ADAMTS3: variants seen among roughly 807,000 people sequenced by gnomAD.
ADAMTS3 encodes A disintegrin and metalloproteinase with thrombospondin motifs 3.
Under a neutral mutation model 129.0 loss-of-function variants are expected in ADAMTS3, and 73 were observed. That is an observed-to-expected ratio of 0.57 (90% CI 0.47 to 0.69). The LOEUF is 0.69. ADAMTS3 is among the 30% of genes least tolerant of loss of function. ADAMTS3 has a pLI of 0.00. For synonymous variants in ADAMTS3, 477 were observed against 510.8 expected (o/e 0.93, Z 0.89); for missense variants, 1,457 against 1,514.5 (o/e 0.96, Z 0.63).
intron 4 of ADAMTS3, among the ~76,000 whole-genome samples, chr4:72,366,423 A>G (rs939973208): frequency 3.9e-5 from 6 of 152,164 alleles, no homozygotes; most frequent in Non-Finnish European, 8.8e-5. Context: ...AGTTTAATCT[A>G]GTTTTCAGTT....
chr4:72,559,626 A>G (rs891096549), intron 2 of ADAMTS3, among the ~76,000 whole-genome samples: 1 of 151,736 alleles, frequency 6.6e-6, no homozygotes, highest in African/African-American at 2.4e-5. Flanking sequence ...TCTTTGAGTA[A>G]AAGTTTTTTT....
chr4:72,498,885 T>C (rs933596080), intron 3 of ADAMTS3, among the ~76,000 whole-genome samples: 2 of 152,128 alleles, frequency 1.3e-5, no homozygotes, highest in Non-Finnish European at 2.9e-5. Context: ...GTCCATGCCT[T>C]TGAACTGATT....
rs746176445 is a variant in ADAMTS3, at chr4:72,306,030, T to G, written c.2217A>C (p.Arg739Ser). The G allele has an allele frequency of 1.3e-5, 21 of 1,611,310 alleles. No individual in the cohort carries two copies. The South Asian group carries it at 2.3e-4, about 18-fold the overall frequency. Residue 739 changes from arginine to serine, a missense_variant, in exon 16 of 22, where the codon AGA becomes AGC. Coordinates refer to ENST00000286657, the MANE Select transcript of ADAMTS3 (RefSeq NM_014243.3). Reference sequence around the variant, plus strand: ...CCTCGTCTTCTTGGATTAACACATGTCTAGCCCCAGGGGGTATATCAAACA... The same window carrying G: ...CCTCGTCTTCTTGGATTAACACATGGCTAGCCCCAGGGGGTATATCAAACA... Reference protein sequence around the residue: ...LKMFDIPPGARHVLIQEDEAS... With the variant: ...LKMFDIPPGASHVLIQEDEAS...
chr4:72,518,388 T>A (rs1008272205), intron 3 of ADAMTS3, among the ~76,000 whole-genome samples: 6 of 152,148 alleles, frequency 3.9e-5, no homozygotes, highest in Non-Finnish European at 8.8e-5. Context: ...TTCCTGGGTA[T>A]CCTTCTTAAC....
intron 4 of ADAMTS3, among the ~76,000 whole-genome samples, chr4:72,390,265 A>T (rs1165282493): frequency 6.6e-6 from 1 of 152,118 alleles, no homozygotes; most frequent in Non-Finnish European, 1.5e-5. Context: ...AACTAACTTT[A>T]AAAAAGTCTC....
At chr4:72,306,601 G>A (rs1719095418) in intron 15 of ADAMTS3, among the ~76,000 whole-genome samples, 1 of 151,852 alleles carries the variant, frequency 6.6e-6, no homozygotes, top group Non-Finnish European at 1.5e-5. Context: ...AAAAATCAGT[G>A]CTTTCATTTT....
chr4:72,328,628 T>C (rs186714501), intron 5 of ADAMTS3, among the ~76,000 whole-genome samples: 2 of 152,266 alleles, frequency 1.3e-5, no homozygotes, highest in African/African-American at 4.8e-5. Context: ...ATTATCCTCA[T>C]AGGATTGTTG....
rs544765038 is a variant in ADAMTS3, at chr4:72,480,838, T to C, written c.505-65867A>G. 2.7e-5 allele frequency among the ~76,000 whole-genome samples: 4 copies of C among 149,912 alleles called. No individual in the cohort carries two copies. The East Asian group carries it at 7.8e-4, about 29-fold the overall frequency. On this transcript the variant is annotated intron_variant, in intron 3 of 21. Transcript: ENST00000286657. ...CTCAAGGAACTCATTAAAAAGCTCA[T>C]AGAAACAATAAGTGAATTTAGCAAG...
Position 72,389,588 on chromosome 4 carries a change from C to T in ADAMTS3, c.661+25227G>A, listed in dbSNP as rs556060009. On this transcript the variant is annotated intron_variant, in intron 4 of 21. Coordinates refer to ENST00000286657, the MANE Select transcript of ADAMTS3 (RefSeq NM_014243.3). ...CCTCATGAAAGTATATCATTAATAA[C>T]ATTTAGAAAGGACTATGCAGTGGAG... 2.5e-4 allele frequency among the ~76,000 whole-genome samples: 38 copies of T among 151,232 alleles called. No homozygotes were observed. In the East Asian group the frequency reaches 3.9e-3, roughly 15 times the overall value.
At chr4:72,333,598 G>A (rs75414401) in intron 5 of ADAMTS3, among the ~76,000 whole-genome samples, 5,608 of 152,036 alleles carry the variant, frequency 0.037, 340 homozygotes, top group African/African-American at 0.13. Context: ...CCGACCCTCA[G>A]TGGCTTTTAT....
At chr4:72,413,391 A>G (rs960960335) in intron 4 of ADAMTS3, among the ~76,000 whole-genome samples, 1 of 152,042 alleles carries the variant, frequency 6.6e-6, no homozygotes, top group African/African-American at 2.4e-5. Flanking sequence ...TGGAACAACC[A>G]AGAAAAATCA....
intron 16 of ADAMTS3, among the ~76,000 whole-genome samples, chr4:72,305,774 CACAT>C (rs1233528933): frequency 1.4e-3 from 212 of 152,028 alleles, no homozygotes; most frequent in African/African-American, 4.9e-3. Context: ...CACACATATA[CACAT>C]GCACATGTAC....
chr4:72,397,295 G>A (rs1721749502), intron 4 of ADAMTS3, among the ~76,000 whole-genome samples: 1 of 152,096 alleles, frequency 6.6e-6, no homozygotes. Context: ...GCCGGGCGCA[G>A]TGGCTCACAC....
At chr4:72,456,149 T>A (rs1236503355) in intron 3 of ADAMTS3, among the ~76,000 whole-genome samples, 1 of 10,792 alleles carries the variant, frequency 9.3e-5, no homozygotes, top group African/African-American at 4.3e-4. Context: ...CTATATATAT[T>A]TTATATATAT....
intron 16 of ADAMTS3, 82 bp from the exon 17 acceptor site, chr4:72,304,162 T>G: frequency 7.5e-7 from 1 of 1,325,014 alleles, no homozygotes; most frequent in Non-Finnish European, 1.1e-6. Flanking sequence ...GTATATCCTT[T>G]CTACAAATCA....
At chr4:72,558,111 T>A (rs1721812363) in intron 2 of ADAMTS3, among the ~76,000 whole-genome samples, 1 of 151,642 alleles carries the variant, frequency 6.6e-6, no homozygotes, top group African/African-American at 2.4e-5. Context: ...CTGGGGAAAA[T>A]AAAATAAACA....
intron 3 of ADAMTS3, among the ~76,000 whole-genome samples, chr4:72,425,614 T>A (rs886223053): frequency 3.9e-5 from 6 of 152,206 alleles, no homozygotes; most frequent in African/African-American, 1.4e-4. Flanking sequence ...AATAGTTTGC[T>A]GAGAATGATG....
At chr4:72,554,842 T>A (rs1721724040) in intron 2 of ADAMTS3, among the ~76,000 whole-genome samples, 1 of 151,786 alleles carries the variant, frequency 6.6e-6, no homozygotes. Flanking sequence ...AAGGTCCAGA[T>A]TGAAAATACT....
chr4:72,545,023 T>C (rs1480523305), intron 3 of ADAMTS3, among the ~76,000 whole-genome samples: 3 of 152,110 alleles, frequency 2.0e-5, no homozygotes, highest in Non-Finnish European at 4.4e-5. Context: ...TAAACATGAA[T>C]GGTTTAATTT....
Sources: gnomAD v4.1 joint callset for allele counts (sites outside exome capture counted in the v4.1 genomes callset) on GRCh38, gnomAD v4.1.1 for gene constraint, MANE v1.5 for transcripts, NCBI Gene and HGNC (gene_info 2026-07-23, HGNC 2026-07-21) for gene names.